The following SLC8A1 variants were observed in gnomAD, a reference collection of about 807,000 sequenced individuals.
The protein encoded by SLC8A1 is sodium/calcium exchanger 1.
Under a neutral mutation model 68.3 loss-of-function variants are expected in SLC8A1, and 18 were observed. The ratio of observed to expected loss-of-function variants is 0.26; its 90% CI spans 0.18 to 0.39. The LOEUF (loss-of-function observed/expected upper bound fraction) is 0.39. Ranked by LOEUF, SLC8A1 falls within the 10% of genes least tolerant of loss-of-function variation. SLC8A1 has a pLI of 1.00. For synonymous variants in SLC8A1, 475 were observed against 415.5 expected (o/e 1.14, Z -1.74); for missense variants, 985 against 1,156.7 (o/e 0.85, Z 2.15).
chr2:40,337,525 G>A (rs571504251), intron 2 of SLC8A1, among the ~76,000 whole-genome samples: 81 of 152,286 alleles, frequency 5.3e-4, no homozygotes, highest in African/African-American at 1.9e-3. Context: ...CAATGCAATG[G>A]TAGTTAGCAG....
At chr2:40,203,767 A>C (rs966056594) in intron 2 of SLC8A1, among the ~76,000 whole-genome samples, 4 of 151,980 alleles carry the variant, frequency 2.6e-5, no homozygotes, top group African/African-American at 9.7e-5. Flanking sequence ...GTGCAGTGAC[A>C]TGACCATGGC....
chr2:40,206,290 C>G (rs1219150110), intron 2 of SLC8A1, among the ~76,000 whole-genome samples: 1 of 151,974 alleles, frequency 6.6e-6, no homozygotes, highest in Admixed American at 6.6e-5. Flanking sequence ...TCCTCAACTT[C>G]TAGAATCAAA....
chr2:40,252,815 CATATATATGT>C (rs1226597914), intron 2 of SLC8A1, among the ~76,000 whole-genome samples: 1 of 143,188 alleles, frequency 7.0e-6, no homozygotes, highest in African/African-American at 2.7e-5. Context: ...TGTACATATA[CATATATATGT>C]ATATACATGT....
At chr2:40,429,896 T>A in exon 2 of SLC8A1, 2 of 1,613,492 alleles carry the variant, frequency 1.2e-6, no homozygotes, top group Non-Finnish European at 1.7e-6. Context: ...TCATTCCAGA[T>A]CCTCACAGTT....
intron 2 of SLC8A1, among the ~76,000 whole-genome samples, chr2:40,285,483 A>G (rs2068161213): frequency 1.3e-5 from 2 of 152,072 alleles, no homozygotes; most frequent in African/African-American, 4.8e-5. Context: ...ATAGTATAGC[A>G]ACAATTGGTC....
chr2:40,486,791 C>A (rs908804487), intron 1 of SLC8A1, among the ~76,000 whole-genome samples: 1 of 151,230 alleles, frequency 6.6e-6, no homozygotes, highest in Non-Finnish European at 1.5e-5. Flanking sequence ...GTTACATATG[C>A]ATACATGTGC....
At chr2:40,236,243 T>G (rs1298535440) in intron 2 of SLC8A1, among the ~76,000 whole-genome samples, 4 of 151,082 alleles carry the variant, frequency 2.6e-5, no homozygotes, top group Non-Finnish European at 4.4e-5. Context: ...CTAAGTCTCT[T>G]TGAAGGTCAC....
At chr2:40,233,416 G>A (rs1253463597) in intron 2 of SLC8A1, among the ~76,000 whole-genome samples, 12 of 149,744 alleles carry the variant, frequency 8.0e-5, no homozygotes, top group Admixed American at 6.0e-4. Context: ...GTCTGTTCAT[G>A]TCCTTTGCCC....
intron 2 of SLC8A1, among the ~76,000 whole-genome samples, chr2:40,213,692 G>A (rs1245469210): frequency 1.3e-5 from 2 of 152,164 alleles, no homozygotes; most frequent in East Asian, 3.9e-4. Flanking sequence ...TTTTTCAAAA[G>A]TGATCATTTT....
At chr2:40,407,600 A>G (rs567048465) in intron 2 of SLC8A1, among the ~76,000 whole-genome samples, 3 of 152,268 alleles carry the variant, frequency 2.0e-5, no homozygotes, top group African/African-American at 4.8e-5. Flanking sequence ...TCCTGAAAGA[A>G]TATCACAGCT....
At chr2:40,204,881 T>G (rs1466380525) in intron 2 of SLC8A1, among the ~76,000 whole-genome samples, 1 of 152,026 alleles carries the variant, frequency 6.6e-6, no homozygotes, top group Non-Finnish European at 1.5e-5. Flanking sequence ...GTTAGCCACA[T>G]GTCAGTGATT....
intron 3 of SLC8A1, among the ~76,000 whole-genome samples, chr2:40,176,824 A>C (rs897539812): frequency 6.6e-6 from 1 of 152,156 alleles, no homozygotes; most frequent in East Asian, 1.9e-4. Flanking sequence ...AAGAGCTATT[A>C]ATATGTGGTC....
At chr2:40,236,755 TG>T (rs1429083510) in intron 2 of SLC8A1, among the ~76,000 whole-genome samples, 1 of 152,044 alleles carries the variant, frequency 6.6e-6, no homozygotes, top group Non-Finnish European at 1.5e-5. Context: ...TTCCTTCCCA[TG>T]TTTAGTGCTT....
At chr2:40,318,314 T>C (rs894762751) in intron 2 of SLC8A1, among the ~76,000 whole-genome samples, 1 of 152,054 alleles carries the variant, frequency 6.6e-6, no homozygotes, top group Non-Finnish European at 1.5e-5. Flanking sequence ...AGGCTGGGCA[T>C]CTGTCTTTTA....
chr2:40,110,742 AAGTC>A (rs1363032790), exon 8 of SLC8A1: 1 of 152,118 alleles, frequency 6.6e-6, no homozygotes, highest in African/African-American at 2.4e-5. Context: ...CATAGTCAGA[AAGTC>A]AGAATCAACA....
intron 4 of SLC8A1, among the ~76,000 whole-genome samples, chr2:40,169,270 C>G (rs548799204): frequency 6.6e-6 from 1 of 152,104 alleles, no homozygotes; most frequent in Non-Finnish European, 1.5e-5. Flanking sequence ...GTACAAACAA[C>G]GTAGAATTTG....
intron 1 of SLC8A1, among the ~76,000 whole-genome samples, chr2:40,465,905 C>T (rs1576621131): frequency 6.6e-6 from 1 of 152,184 alleles, no homozygotes; most frequent in East Asian, 1.9e-4. Context: ...ATAGAACGGT[C>T]TTTTGGGGAG....
chr2:40,509,365 A>C (rs1706562323), intron 1 of SLC8A1, among the ~76,000 whole-genome samples: 1 of 151,654 alleles, frequency 6.6e-6, no homozygotes, highest in Non-Finnish European at 1.5e-5. Context: ...AACGTTCTTA[A>C]AATCTTTACT....
chr2:40,285,358 CTG>C (rs141208765), intron 2 of SLC8A1, among the ~76,000 whole-genome samples: 2,730 of 152,240 alleles, frequency 0.018, 74 homozygotes, highest in African/African-American at 0.062. Flanking sequence ...GTAGTAAACA[CTG>C]TGTAAAAGAC....
Sources: gnomAD v4.1 joint callset for allele counts (sites outside exome capture counted in the v4.1 genomes callset) on GRCh38, gnomAD v4.1.1 for gene constraint, MANE v1.5 for transcripts, NCBI Gene and HGNC (gene_info 2026-07-23, HGNC 2026-07-21) for gene names.